Variants in GPC1 observed in about 807,000 individuals in gnomAD.
GPC1 encodes the protein glypican 1, also known as glypican-1.
Under a neutral mutation model 51.5 loss-of-function variants are expected in GPC1, and 26 were observed. The ratio of observed to expected loss-of-function variants is 0.50; its 90% CI spans 0.37 to 0.70. The LOEUF is 0.70. Among genes scored for constraint, GPC1 ranks in the 30% least tolerant of loss-of-function variants. The pLI is 0.00. For missense variants in GPC1, 775 were observed against 800.5 expected (o/e 0.97, Z 0.38); for synonymous variants, 380 against 348.3 (o/e 1.09, Z -1.01).
chr2:240,457,304 G>C, intron 1 of GPC1: 2 of 418,608 alleles, frequency 4.8e-6, no homozygotes, highest in South Asian at 1.7e-5. Flanking sequence ...TCTCCTTGCT[G>C]TCATGTCAGC....
At position 240,448,376 on chromosome 2, in the gene GPC1, T is replaced by C. The variant is rs2074066972; in HGVS notation, c.167-10654T>C. Among the ~76,000 whole-genome samples the C allele has an allele frequency of 6.6e-6, 1 of 151,970 alleles. No homozygotes were observed. On this transcript the variant is annotated intron_variant, in intron 1 of 8. Transcript: ENST00000264039. The surrounding 1 kb of genome is among the most constrained non-coding windows in gnomAD (Gnocchi z 4.5). ...CTCTGTCTGCCAGGCAGTCCGGGTG[T>C]AGATAGTCCCTGCCAGGCAGTCCAG...
chr2:240,456,556 C>T (rs920657085), intron 1 of GPC1: 13 of 466,700 alleles, frequency 2.8e-5, no homozygotes, highest in Non-Finnish European at 4.9e-5. Flanking sequence ...CTGCCACCCC[C>T]TCCCCCAGGC....
chr2:240,438,571 C>A (rs977018436), intron 1 of GPC1, among the ~76,000 whole-genome samples: 1 of 152,198 alleles, frequency 6.6e-6, no homozygotes, highest in Admixed American at 6.5e-5. Flanking sequence ...GGAATGCGAA[C>A]CCCCTGGGGT....
rs1481468257 is a variant in GPC1 at position 240,459,125 on chromosome 2, G to A, written c.262G>A (p.Ala88Thr). The part of the protein sequence containing the change: ...ANRSHAELET[A>T]LRDSSRVLQA... ...CCGCAGCCATGCCGAGCTGGAGACCGCGCTCCGGGACAGCAGCCGCGTCCT... is the reference window on the plus strand; with the variant it reads ...CCGCAGCCATGCCGAGCTGGAGACCACGCTCCGGGACAGCAGCCGCGTCCT... The change falls in exon 2 of 9, where the codon GCG becomes ACG. Residue 88 changes from alanine to threonine, a missense_variant. Transcript: ENST00000264039. The A allele has an allele frequency of 1.1e-5, 18 of 1,612,606 alleles. No homozygotes were observed. The highest frequency in any genetic ancestry group is 1.6e-4 in the Middle Eastern group (1 of 6,082).
intron 1 of GPC1, among the ~76,000 whole-genome samples, chr2:240,437,957 G>A (rs1488176967): frequency 6.6e-6 from 1 of 152,228 alleles, no homozygotes; most frequent in Admixed American, 6.5e-5. Context: ...GTTGATGTGG[G>A]GCTGGGCCAG....
chr2:240,453,093 C>G, intron 1 of GPC1: 1 of 295,224 alleles, frequency 3.4e-6, no homozygotes, highest in South Asian at 2.4e-5. Context: ...GTACCCGCAT[C>G]CGCAGGCGCG....
intron 1 of GPC1, chr2:240,458,007 G>A: frequency 2.1e-6 from 1 of 469,532 alleles, no homozygotes; most frequent in Non-Finnish European, 4.4e-6. Context: ...CTTAGAGGCG[G>A]GGGACGAGGC....
At chr2:240,437,112 T>G (rs1234100128) in intron 1 of GPC1, among the ~76,000 whole-genome samples, 1 of 152,192 alleles carries the variant, frequency 6.6e-6, no homozygotes, top group African/African-American at 2.4e-5. Context: ...GGGGGGCTCC[T>G]CTGAAACCAG....
In GPC1 at chr2:240,465,564, C is replaced by A; in HGVS notation, c.1360C>A (p.Arg454=). The A allele has an allele frequency of 1.9e-6, 3 of 1,613,188 alleles. No homozygotes were observed. Among genetic ancestry groups the A allele is most frequent in the Non-Finnish European group, 2.5e-6 (3 of 1,179,988 alleles). ...CATCACCAAGCCGGACATGACCATC[C>A]GGCAGCAGATCATGCAGCTGAAGAT... The part of the protein sequence containing the change: ...VDITKPDMTI[R]QQIMQLKIMT... Residue 454 remains arginine (R), a synonymous_variant, in exon 8 of 9, where the codon CGG becomes AGG. Coordinates refer to ENST00000264039, the MANE Select transcript of GPC1 (RefSeq NM_002081.3).
Position 240,448,579 on chromosome 2 carries a change from T to C in GPC1, c.167-10451T>C, listed in dbSNP as rs1461747004. Among the ~76,000 whole-genome samples the C allele has an allele frequency of 6.6e-6, 1 of 151,458 alleles. No homozygotes were observed. The highest frequency in any genetic ancestry group is 1.5e-5 in the Non-Finnish European group (1 of 67,876). On this transcript the variant is annotated intron_variant, in intron 1 of 8. Transcript: ENST00000264039. The surrounding 1 kb of genome is among the most constrained non-coding windows in gnomAD (Gnocchi z 4.5). ...GAGTCACGGAGGCAGGGGGCCCCCA[T>C]TCCCACCTGCTCCAGGACCCGCAGG...
chr2:240,452,980 C>G (rs755159265), intron 1 of GPC1: 1 of 354,588 alleles, frequency 2.8e-6, no homozygotes, highest in Non-Finnish European at 5.6e-6. Flanking sequence ...GCACCCAGAG[C>G]CCGCGCGCCG....
intron 4 of GPC1, chr2:240,464,208 TG>T (rs3838590): frequency 0.011 from 2,836 of 255,124 alleles, 22 homozygotes; most frequent in Middle Eastern, 0.016. Context: ...AAGGTGTACA[TG>T]GGGGGGGCAT....
At chr2:240,453,523 C>A (rs2074125194) in intron 1 of GPC1, among the ~76,000 whole-genome samples, 1 of 139,820 alleles carries the variant, frequency 7.2e-6, no homozygotes, top group South Asian at 2.3e-4. Context: ...CTCCCCGGGC[C>A]GTCGCAGCCC....
At chr2:240,444,836 T>C (rs2074039238) in intron 1 of GPC1, among the ~76,000 whole-genome samples, 1 of 152,120 alleles carries the variant, frequency 6.6e-6, no homozygotes, top group African/African-American at 2.4e-5. Context: ...TGGTAACCCA[T>C]GTGTGACGTC....
intron 2 of GPC1, 37 bp downstream of exon 2, chr2:240,459,225 T>G (rs563394262): frequency 9.3e-5 from 148 of 1,588,526 alleles, no homozygotes; most frequent in South Asian, 7.1e-4. Context: ...GCCCGCAGGG[T>G]GCCGGTGCAT....
At chr2:240,443,740 C>A (rs1368468424) in intron 1 of GPC1, among the ~76,000 whole-genome samples, 4 of 152,210 alleles carry the variant, frequency 2.6e-5, no homozygotes, top group Non-Finnish European at 5.9e-5. Context: ...GTCCCTCTTT[C>A]CCCAGGCCCT....
Position 240,466,464 on chromosome 2 carries a change from T to C in GPC1, c.*174T>C, listed in dbSNP as rs548689732. ...GCCCCAGGCCTGGCCTCGCCTGCCTTTCTGCCTTTTAATTTTGTATGAGGT... is the reference window on the plus strand; with the variant it reads ...GCCCCAGGCCTGGCCTCGCCTGCCTCTCTGCCTTTTAATTTTGTATGAGGT... On this transcript the variant is annotated 3_prime_UTR_variant, in exon 9 of 9. Transcript: ENST00000264039. 1 of 581,096 alleles carries C rather than the reference T, an allele frequency of 1.7e-6. No homozygotes were observed. Among genetic ancestry groups the C allele is most frequent in the Non-Finnish European group, 3.1e-6 (1 of 325,718 alleles). The allele number at this position is 581,096 out of a possible 1,614,324, so 36.0% of individuals were successfully genotyped here. A position where few individuals can be genotyped will look rare whatever the true frequency, so the allele number is the denominator to read the frequency against.
chr2:240,462,631 C>T (rs1032457534), intron 3 of GPC1, 49 bp downstream of exon 3: 1 of 1,476,468 alleles, frequency 6.8e-7, no homozygotes, highest in Non-Finnish European at 9.0e-7. Flanking sequence ...GACCCCCATG[C>T]TCTGCCCAAG....
intron 2 of GPC1, 75 bp downstream of exon 2, chr2:240,459,263 T>C: frequency 7.3e-7 from 1 of 1,372,780 alleles, no homozygotes; most frequent in Non-Finnish European, 1.0e-6. Flanking sequence ...GGGCCTTGCC[T>C]GGTGTGTCAA....
Sources: allele counts gnomAD v4.1 joint callset (sites outside exome capture counted in the v4.1 genomes callset), GRCh38; gene constraint gnomAD v4.1.1; non-coding constraint Gnocchi (gnomAD v3.1); transcripts MANE v1.5; gene names NCBI Gene and HGNC (gene_info 2026-07-23, HGNC 2026-07-21).